ROBO2: variants seen among roughly 807,000 people sequenced by gnomAD.
ROBO2 encodes roundabout homolog 2.
In ROBO2, 53 loss-of-function variants were observed where a neutral mutation model predicts 160.8. That is an observed-to-expected ratio of 0.33 (90% confidence interval 0.26 to 0.41). The LOEUF (loss-of-function observed/expected upper bound fraction) is 0.41. Among genes scored for constraint, ROBO2 ranks in the 10% least tolerant of loss-of-function variants. The pLI, the probability that ROBO2 is intolerant of heterozygous loss-of-function variation, is 1.00. For missense variants in ROBO2, 1,577 were observed against 1,722.4 expected (o/e 0.92, Z 1.49); for synonymous variants, 664 against 611.7 (o/e 1.09, Z -1.26).
At chr3:76,713,734 A>G (rs1560429088) in intron 2 of ROBO2, among the ~76,000 whole-genome samples, 1 of 152,130 alleles carries the variant, frequency 6.6e-6, no homozygotes. Context: ...TTAATTAGGC[A>G]TCTTTATTCA....
intron 2 of ROBO2, among the ~76,000 whole-genome samples, chr3:76,264,294 C>G (rs528048707): frequency 6.6e-6 from 1 of 150,758 alleles, no homozygotes; most frequent in African/African-American, 2.4e-5. Flanking sequence ...GTAATATTAC[C>G]CAACAGTGAC....
intron 2 of ROBO2, among the ~76,000 whole-genome samples, chr3:76,180,786 TC>T (rs1701466756): frequency 6.6e-6 from 1 of 152,146 alleles, no homozygotes; most frequent in Admixed American, 6.6e-5. Flanking sequence ...CTCAACTGCT[TC>T]AAAACTTTCA....
At chr3:75,961,935 A>G (rs940574947) in intron 2 of ROBO2, among the ~76,000 whole-genome samples, 7 of 151,494 alleles carry the variant, frequency 4.6e-5, no homozygotes, top group Non-Finnish European at 1.0e-4. Context: ...ATTAATATGT[A>G]GCAATCATTA....
chr3:76,407,003 T>G (rs1455737697), intron 2 of ROBO2, among the ~76,000 whole-genome samples: 1 of 151,468 alleles, frequency 6.6e-6, no homozygotes, highest in Non-Finnish European at 1.5e-5. Context: ...AGTTGTTTTT[T>G]TTTTTTTTTT....
chr3:77,567,009 G>A (rs1232024093), intron 12 of ROBO2, among the ~76,000 whole-genome samples: 1 of 151,388 alleles, frequency 6.6e-6, no homozygotes, highest in African/African-American at 2.4e-5. Flanking sequence ...ACATATATAG[G>A]CATAGATTAA....
intron 2 of ROBO2, among the ~76,000 whole-genome samples, chr3:76,834,171 T>TTCTCTC (rs1553651478): frequency 8.5e-6 from 1 of 117,010 alleles, no homozygotes; most frequent in African/African-American, 3.2e-5. Flanking sequence ...CTTTCTTTCT[T>TTCTCTC]TCTCTCTCTC....
At chr3:76,546,499 G>A (rs2083108858) in intron 2 of ROBO2, among the ~76,000 whole-genome samples, 1 of 151,838 alleles carries the variant, frequency 6.6e-6, no homozygotes, top group African/African-American at 2.4e-5. Context: ...ATTAGGGAGA[G>A]TATCTTGAGT....
At chr3:76,617,767 A>ACTCACGCCTGTAATCCCAGCACTTTG (rs1578577516) in intron 2 of ROBO2, among the ~76,000 whole-genome samples, 4 of 151,872 alleles carry the variant, frequency 2.6e-5, no homozygotes, top group South Asian at 2.1e-4. Context: ...TAAAGAAAAG[A>ACTCACGCCTGTAATCCCAGCACTTTG]GATGTAACTG....
In ROBO2 at chr3:77,545,730, T is replaced by C. The variant is rs115761691; in HGVS notation, c.935-608T>C. On this transcript the variant is annotated intron_variant, in intron 6 of 25. Coordinates refer to ENST00000461745, the Ensembl canonical transcript of ROBO2. ...ATCTATCTAAATGAAATAAATTAGA[T>C]TGAGTCAACCATTTCAATACATTTA... 8.3e-3 allele frequency among the ~76,000 whole-genome samples: 1,266 copies of C among 152,214 alleles called. 21 individuals carry two copies. Among genetic ancestry groups the C allele is most frequent in the African/African-American group, 0.029 (1,216 of 41,546 alleles).
At chr3:76,975,483 C>T (rs973561762) in intron 2 of ROBO2, among the ~76,000 whole-genome samples, 5 of 152,002 alleles carry the variant, frequency 3.3e-5, no homozygotes, top group African/African-American at 9.7e-5. Flanking sequence ...CCAGTCTGGG[C>T]GACAGAGGGA....
chr3:76,850,295 A>G (rs1212227937), intron 2 of ROBO2, among the ~76,000 whole-genome samples: 1 of 152,176 alleles, frequency 6.6e-6, no homozygotes, highest in Non-Finnish European at 1.5e-5. Flanking sequence ...CTTCCATTAT[A>G]TATATTCAAT....
At chr3:76,592,614 T>C (rs562726809) in intron 2 of ROBO2, among the ~76,000 whole-genome samples, 8 of 152,218 alleles carry the variant, frequency 5.3e-5, no homozygotes, top group South Asian at 2.1e-4. Flanking sequence ...TATTAGTTTC[T>C]TGTCACTGGG....
chr3:75,974,122 T>A (rs1224353736), intron 2 of ROBO2, among the ~76,000 whole-genome samples: 1 of 151,574 alleles, frequency 6.6e-6, no homozygotes, highest in Admixed American at 6.6e-5. Context: ...GAAGGGACAT[T>A]GGGATTGACT....
intron 6 of ROBO2, among the ~76,000 whole-genome samples, chr3:77,538,538 A>G (rs1456580028): frequency 6.6e-6 from 1 of 152,158 alleles, no homozygotes; most frequent in Non-Finnish European, 1.5e-5. Context: ...TAGTCTCTAT[A>G]AAAGTGATTA....
chr3:76,364,932 C>T (rs2075726761), intron 2 of ROBO2, among the ~76,000 whole-genome samples: 1 of 152,056 alleles, frequency 6.6e-6, no homozygotes, highest in African/African-American at 2.4e-5. Flanking sequence ...ACCTGTTTTC[C>T]TATAAATTCG....
chr3:76,400,765 T>G (rs958358221), intron 2 of ROBO2, among the ~76,000 whole-genome samples: 1 of 151,580 alleles, frequency 6.6e-6, no homozygotes, highest in Non-Finnish European at 1.5e-5. Context: ...ACTAGGTGTA[T>G]TTGTACTTAT....
chr3:77,456,844 C>T (rs1560887416), intron 2 of ROBO2, among the ~76,000 whole-genome samples: 2 of 152,126 alleles, frequency 1.3e-5, no homozygotes, highest in Admixed American at 6.6e-5. Flanking sequence ...TCATGCAGTT[C>T]CCATCATGGA....
intron 2 of ROBO2, among the ~76,000 whole-genome samples, chr3:76,338,738 T>C (rs2108132590): frequency 6.7e-6 from 1 of 149,982 alleles, no homozygotes; most frequent in Non-Finnish European, 1.5e-5. Context: ...ATATAGAAAT[T>C]ATGTATAATT....
chr3:76,203,127 A>G (rs1390391553), intron 2 of ROBO2, among the ~76,000 whole-genome samples: 1 of 152,132 alleles, frequency 6.6e-6, no homozygotes, highest in African/African-American at 2.4e-5. Context: ...TGCCTAAAAC[A>G]ATGTACCCGT....
Sources: gnomAD v4.1 joint callset for allele counts (sites outside exome capture counted in the v4.1 genomes callset) on GRCh38, gnomAD v4.1.1 for gene constraint, MANE v1.5 for transcripts, NCBI Gene and HGNC (gene_info 2026-07-23, HGNC 2026-07-21) for gene names.